SPINK8: variants seen among roughly 807,000 people sequenced by gnomAD.
The protein encoded by SPINK8 is serine protease inhibitor Kazal-type 8.
A neutral mutation model predicts 14.4 loss-of-function variants in SPINK8; 12 were observed. The observed-to-expected ratio is 0.83, with a 90% confidence interval of 0.53 to 1.35. The LOEUF (loss-of-function observed/expected upper bound fraction) is 1.35, where lower values mean the gene tolerates loss of function less well. SPINK8 is among the 40% of genes most tolerant of loss of function. SPINK8 has a pLI of 0.00. For missense variants in SPINK8, 103 were observed against 117.0 expected, an observed-to-expected ratio of 0.88 and a Z score of 0.55; for synonymous variants, 32 against 37.6, an observed-to-expected ratio of 0.85 and a Z score of 0.55.
intron 6 of SPINK8, among the ~76,000 whole-genome samples, chr3:48,310,551 G>T (rs1171412262): frequency 1.4e-5 from 2 of 139,916 alleles, no homozygotes; most frequent in East Asian, 4.0e-4. Context: ...AGGCTGGAGT[G>T]CAGTGGCACG....
At chr3:48,324,743 A>G (rs1403877926) in intron 4 of SPINK8, among the ~76,000 whole-genome samples, 1 of 152,200 alleles carries the variant, frequency 6.6e-6, no homozygotes, top group Non-Finnish European at 1.5e-5. Flanking sequence ...CTGCATGTGC[A>G]CCTGAGCAGT....
At chr3:48,326,707 G>A (rs1349455658) in intron 4 of SPINK8, among the ~76,000 whole-genome samples, 7 of 151,906 alleles carry the variant, frequency 4.6e-5, no homozygotes, top group Non-Finnish European at 5.9e-5. Flanking sequence ...TCAGGTGTTC[G>A]AGACCACCCT....
chr3:48,319,682 G>A, intron 5 of SPINK8, 64 bp from the exon 6 acceptor site: 1 of 1,601,744 alleles, frequency 6.2e-7, no homozygotes, highest in South Asian at 1.1e-5. Flanking sequence ...CCGTTATTAT[G>A]TATAGCTTGG....
At chr3:48,323,156 G>GT (rs1560018225) in intron 4 of SPINK8, among the ~76,000 whole-genome samples, 1 of 151,896 alleles carries the variant, frequency 6.6e-6, no homozygotes, top group East Asian at 1.9e-4. Flanking sequence ...GTTTTGTTTT[G>GT]TTTTTTGAGA....
At position 48,319,514 on chromosome 3, in the gene SPINK8, A is replaced by T; in HGVS notation, c.222T>A (p.His74Gln). The change falls in exon 6 of 8, where the codon CAT becomes CAA. Residue 74 changes from histidine (H) to glutamine (Q), a missense_variant. By Grantham distance (24) the His-to-Gln change is conservative. Transcript: ENST00000434006. ...SDQVTYSSDC[H>Q]LCSKILFEGL... ...GGACTTACAGAATTTTGGAGCACAG[A>T]TGGCAGTCACTACTGTAGGTAACCT... 1 of 1,614,024 alleles carries T rather than the reference A, an allele frequency of 6.2e-7. No homozygotes were observed. The highest frequency in any genetic ancestry group is 8.5e-7 in the Non-Finnish European group (1 of 1,179,878).
chr3:48,315,720 C>CAAA lies in SPINK8; in HGVS notation c.239+3774_239+3776dup, dbSNP rs66504818. Among the ~76,000 whole-genome samples, 97 of 21,828 alleles carry CAAA rather than the reference C, an allele frequency of 4.4e-3. 1 individual carries two copies. Among genetic ancestry groups the CAAA allele is most frequent in the African/African-American group, 6.7e-3 (47 of 6,996 alleles). 14.3% of individuals were successfully genotyped at this position (21,828 alleles called of 152,430 possible). Reference sequence around the variant, plus strand: ...TGGGTAACAGAGTAAGACTCCATCTCAAAAAAAAAAAAAAAAAAAAAAAAG... The same window carrying CAAA: ...TGGGTAACAGAGTAAGACTCCATCTCAAAAAAAAAAAAAAAAAAAAAAAAAAAG... On this transcript the variant is annotated intron_variant, in intron 6 of 7. Transcript: ENST00000434006.
At chr3:48,310,791 A>G (rs2035915542) in intron 6 of SPINK8, among the ~76,000 whole-genome samples, 1 of 152,126 alleles carries the variant, frequency 6.6e-6, no homozygotes, top group African/African-American at 2.4e-5. Flanking sequence ...GAGCCACTGC[A>G]CCTGGCCTAC....
At chr3:48,317,226 T>C (rs948239080) in intron 6 of SPINK8, among the ~76,000 whole-genome samples, 12 of 152,146 alleles carry the variant, frequency 7.9e-5, no homozygotes, top group African/African-American at 2.9e-4. Flanking sequence ...TAGTGGCTCA[T>C]GCCTGTAATC....
In SPINK8 at chr3:48,317,705, TG is replaced by T. The variant is rs1445846510; in HGVS notation, c.239+1791del. ...TAATTTTTTGTATTTTTAGTAGAGA[TG>T]GGGTTTCACCATGTTAGCCAGGATG... On this transcript the variant is annotated intron_variant, in intron 6 of 7. Transcript: ENST00000434006. 1.1e-4 allele frequency among the ~76,000 whole-genome samples: 17 copies of T among 151,642 alleles called. 1 individual carries two copies. In the Middle Eastern group the frequency reaches 0.014, roughly 122 times the overall value.
intron 6 of SPINK8, among the ~76,000 whole-genome samples, chr3:48,315,656 G>A (rs2035978119): frequency 6.8e-6 from 1 of 146,488 alleles, no homozygotes; most frequent in African/African-American, 2.5e-5. Flanking sequence ...AGGAGGCAGA[G>A]GTTGCAGTGA....
At chr3:48,320,542 C>T (rs539749087) in intron 5 of SPINK8, among the ~76,000 whole-genome samples, 23 of 150,620 alleles carry the variant, frequency 1.5e-4, no homozygotes, top group Non-Finnish European at 1.9e-4. Flanking sequence ...AGCAAGACTC[C>T]GTCTCAAAAA....
chr3:48,331,992 C>T (rs1219847113), intron 2 of SPINK8, among the ~76,000 whole-genome samples: 1 of 152,244 alleles, frequency 6.6e-6, no homozygotes, highest in Non-Finnish European at 1.5e-5. Flanking sequence ...GCTTCTGACT[C>T]AGAGGACCTT....
intron 4 of SPINK8, among the ~76,000 whole-genome samples, chr3:48,323,362 G>A (rs1450588600): frequency 1.3e-5 from 2 of 151,966 alleles, no homozygotes; most frequent in Admixed American, 6.6e-5. Flanking sequence ...GCCTCCTAAA[G>A]TTCTGGGATT....
At chr3:48,310,765 C>T (rs1478901330) in intron 6 of SPINK8, among the ~76,000 whole-genome samples, 2 of 152,150 alleles carry the variant, frequency 1.3e-5, no homozygotes, top group East Asian at 3.9e-4. Context: ...TCCCAAAGTG[C>T]AGGGATTACA....
At chr3:48,329,024 C>T (rs2036181737) in intron 3 of SPINK8, among the ~76,000 whole-genome samples, 129 bp downstream of exon 3, 1 of 152,210 alleles carries the variant, frequency 6.6e-6, no homozygotes, top group Admixed American at 6.5e-5. Context: ...CTTCATCCTA[C>T]ACATTTTCCA....
intron 5 of SPINK8, 43 bp from the exon 6 acceptor site, chr3:48,319,661 A>G (rs1560017209): frequency 6.2e-7 from 1 of 1,612,286 alleles, no homozygotes; most frequent in East Asian, 2.2e-5. Flanking sequence ...ACTTTCATCC[A>G]GGTCCTTTGG....
At chr3:48,314,935 T>C (rs1484519976) in intron 6 of SPINK8, among the ~76,000 whole-genome samples, 1 of 152,240 alleles carries the variant, frequency 6.6e-6, no homozygotes. Context: ...CTAACTAATC[T>C]TGTGGGTCTG....
intron 1 of SPINK8, among the ~76,000 whole-genome samples, chr3:48,332,740 G>A (rs1181808998): frequency 6.6e-6 from 1 of 152,184 alleles, no homozygotes; most frequent in African/African-American, 2.4e-5. Context: ...CTCATTTGGG[G>A]TTAGTATCTG....
At chr3:48,314,410 A>G (rs1033276288) in intron 6 of SPINK8, among the ~76,000 whole-genome samples, 4 of 152,160 alleles carry the variant, frequency 2.6e-5, no homozygotes, top group African/African-American at 9.7e-5. Context: ...CTCAGTAAGA[A>G]TAGTGAGTTT....
Sources: gnomAD v4.1 joint callset for allele counts (sites outside exome capture counted in the v4.1 genomes callset) on GRCh38, gnomAD v4.1.1 for gene constraint, MANE v1.5 for transcripts, NCBI Gene and HGNC (gene_info 2026-07-23, HGNC 2026-07-21) for gene names.